PPME1: variants seen among roughly 807,000 people sequenced by gnomAD.
PPME1 encodes protein phosphatase methylesterase 1.
Under a neutral mutation model 56.9 loss-of-function variants are expected in PPME1, and 17 were observed. That is an observed-to-expected ratio of 0.30 (90% confidence interval 0.20 to 0.45). The LOEUF is 0.45. Among genes scored for constraint, PPME1 ranks in the 20% least tolerant of loss-of-function variants. The pLI, the probability that PPME1 is intolerant of heterozygous loss-of-function variation, is 1.00. For missense variants in PPME1, 357 were observed against 483.2 expected, an observed-to-expected ratio of 0.74 and a Z score of 2.45; for synonymous variants, 122 against 156.2, an observed-to-expected ratio of 0.78 and a Z score of 1.63.
chr11:74,246,355 A>C (rs1859502678), intron 10 of PPME1, 150 bp downstream of exon 10: 3 of 862,600 alleles, frequency 3.5e-6, no homozygotes, highest in Non-Finnish European at 5.0e-6. Context: ...GGTTGTGGTG[A>C]GGGCTGTCTT....
chr11:74,222,287 T>A (rs1227275946), intron 3 of PPME1, 25 bp from the exon 4 acceptor site: 6 of 1,574,060 alleles, frequency 3.8e-6, no homozygotes, highest in Non-Finnish European at 5.2e-6. Flanking sequence ...AGATGTGTCT[T>A]AACTACTTTT....
chr11:74,234,819 A>C (rs1030516992), intron 7 of PPME1, among the ~76,000 whole-genome samples: 1 of 152,192 alleles, frequency 6.6e-6, no homozygotes, highest in African/African-American at 2.4e-5. Context: ...TGGATAATGG[A>C]GTATGCTTGT....
intron 5 of PPME1, 138 bp downstream of exon 5, chr11:74,225,394 C>G (rs1022513187): frequency 5.1e-6 from 3 of 588,536 alleles, no homozygotes; most frequent in African/African-American, 3.8e-5. Flanking sequence ...TCTCTCTCCT[C>G]TACTTCTGGT....
At chr11:74,231,059 C>A in intron 7 of PPME1, 57 bp downstream of exon 7, 1 of 1,415,372 alleles carries the variant, frequency 7.1e-7, no homozygotes, top group Non-Finnish European at 9.8e-7. Context: ...TGTTTGCTTG[C>A]TTATTTATTT....
intron 3 of PPME1, among the ~76,000 whole-genome samples, chr11:74,214,528 A>G (rs1351363768): frequency 1.3e-5 from 2 of 151,842 alleles, no homozygotes; most frequent in Non-Finnish European, 2.9e-5. Context: ...GGCATTTAAT[A>G]ATCAAACTCC....
intron 10 of PPME1, 122 bp downstream of exon 10, chr11:74,246,327 AG>A: frequency 9.1e-7 from 1 of 1,096,416 alleles, no homozygotes; most frequent in East Asian, 3.0e-5. Context: ...GTCTGAGATC[AG>A]GGTGCCAGCA....
chr11:74,225,134 TAA>T, intron 4 of PPME1, 69 bp from the exon 5 acceptor site: 1 of 1,080,180 alleles, frequency 9.3e-7, no homozygotes, highest in Non-Finnish European at 1.3e-6. Flanking sequence ...ATGATATTTT[TAA>T]AAGAGAATAC....
intron 1 of PPME1, among the ~76,000 whole-genome samples, chr11:74,171,949 A>T (rs778663606): frequency 6.6e-6 from 1 of 152,134 alleles, no homozygotes; most frequent in Non-Finnish European, 1.5e-5. Flanking sequence ...GGAGGAGTAG[A>T]TATTATCAGA....
intron 1 of PPME1, among the ~76,000 whole-genome samples, chr11:74,186,485 C>T (rs977391787): frequency 1.3e-5 from 2 of 152,086 alleles, no homozygotes; most frequent in East Asian, 3.9e-4. Context: ...TCAGCTACTT[C>T]CCATGGTCTT....
At chr11:74,245,412 AAT>A (rs2135677206) in intron 9 of PPME1, among the ~76,000 whole-genome samples, 1 of 152,244 alleles carries the variant, frequency 6.6e-6, no homozygotes, top group East Asian at 1.9e-4. Context: ...GGTACAGAAA[AAT>A]ATAGAGAATT....
At position 74,203,780 on chromosome 11, in the gene PPME1, T is replaced by G. The variant is rs1591034002; in HGVS notation, c.154T>G (p.Ser52Ala). 1.9e-6 allele frequency: 3 copies of G among 1,612,418 alleles called. No homozygotes were observed. Among genetic ancestry groups the G allele is most frequent in the Non-Finnish European group, 2.5e-6 (3 of 1,179,140 alleles). The change falls in exon 2 of 14, where the codon TCC becomes GCC. Residue 52 changes from serine (S) to alanine (A), a missense_variant. By Grantham distance (99) the Ser-to-Ala change is moderately conservative (BLOSUM62 1). Around this residue, in one of 2 missense-constraint regions of PPME1, gnomAD observed 175 missense variants for 189.4 expected, o/e 0.92. Transcript: ENST00000328257. ...SPVPWSQYFESMEDVEVENET... is the reference protein window; with the variant it reads ...SPVPWSQYFEAMEDVEVENET... Reference sequence around the variant, plus strand: ...TGTTCCTTGGAGTCAGTATTTTGAGTCCATGGAAGATGTAGAAGTAGAGAA... The same window carrying G: ...TGTTCCTTGGAGTCAGTATTTTGAGGCCATGGAAGATGTAGAAGTAGAGAA...
rs183862890 is a variant in PPME1, at chr11:74,231,753, G to C, written c.644+751G>C. Among the ~76,000 whole-genome samples the C allele has an allele frequency of 2.6e-5, 4 of 152,260 alleles. No homozygotes were observed. The South Asian group carries it at 6.2e-4, about 24-fold the overall frequency. On this transcript the variant is annotated intron_variant, in intron 7 of 13. Coordinates refer to ENST00000328257, the MANE Select transcript of PPME1 (RefSeq NM_016147.3). ...TTTTAGATTTACTTTCTGTGTTTCA[G>C]ATAAAATGGTGGAGAAATGGAAGAT...
rs767380330 is a variant in PPME1, at chr11:74,171,400, A to G, written c.-22A>G. ...ACGAAGCTTCGCCTACTGTTTGACT[A>G]CGTGCGTGCAGCCTCCCCTCGATGT... On this transcript the variant is annotated 5_prime_UTR_variant, in exon 1 of 14. Transcript: ENST00000328257. 1.6e-5 allele frequency: 25 copies of G among 1,600,962 alleles called. No individual in the cohort carries two copies. The highest frequency in any genetic ancestry group is 1.8e-5 in the Non-Finnish European group (21 of 1,174,026).
chr11:74,181,137 C>T (rs1052090809), intron 1 of PPME1, among the ~76,000 whole-genome samples: 7 of 151,364 alleles, frequency 4.6e-5, no homozygotes, highest in African/African-American at 1.5e-4. Flanking sequence ...CTCCGCTTCC[C>T]GGGTTCACGC....
rs1859663554 is a variant in PPME1 at position 74,251,568 on chromosome 11, C to T, written c.1075-80C>T. Reference sequence around the variant, plus strand: ...GGATGAGGGCACCGTAGAGCCTAACCATCTAACAGTAGCTCACAGCCCAAG... The same window carrying T: ...GGATGAGGGCACCGTAGAGCCTAACTATCTAACAGTAGCTCACAGCCCAAG... On this transcript the variant is annotated intron_variant, in intron 12 of 13. Transcript: ENST00000328257. The T allele has an allele frequency of 2.5e-6, 4 of 1,572,382 alleles. No homozygotes were observed. The East Asian group carries it at 6.7e-5, about 26-fold the overall frequency.
In PPME1 at chr11:74,235,746, G is replaced by A. The variant is rs1859174405; in HGVS notation, c.645-155G>A. The A allele has an allele frequency of 3.4e-6, 4 of 1,186,498 alleles. No homozygotes were observed. The East Asian group carries it at 1.1e-4, about 32-fold the overall frequency. 73.5% of individuals were successfully genotyped at this position (1,186,498 alleles called of 1,614,324 possible). A position where few individuals can be genotyped will look rare whatever the true frequency, so the allele number is the denominator to read the frequency against. On this transcript the variant is annotated intron_variant, in intron 7 of 13. Transcript: ENST00000328257. ...TTTTACTTATAAAACCATGTAGCCA[G>A]GTGAGTAATAGTGGCAATCTCTATA... is the stretch of plus-strand genomic sequence containing the variant.
Position 74,222,332 on chromosome 11 carries a change from T to A in PPME1, c.309T>A (p.Val103=), listed in dbSNP as rs777303871. ...AVFTAAIISR[V]QCRIVALDLR... is the part of the protein sequence containing the mutation. The stretch of plus-strand genomic sequence containing the variant: ...CCTAGGCAGCGATTATTAGTAGAGT[T>A]CAGTGTAGGATTGTAGCTTTGGATC... Residue 103 remains valine, a synonymous_variant, in exon 4 of 14, where the codon GTT becomes GTA. Coordinates refer to ENST00000328257, the MANE Select transcript of PPME1 (RefSeq NM_016147.3). 6.2e-7 allele frequency: 1 copy of A among 1,611,924 alleles called. No individual in the cohort carries two copies. The highest frequency in any genetic ancestry group is 1.7e-5 in the Admixed American group (1 of 59,964).
chr11:74,201,462 A>T (rs1247350165), intron 1 of PPME1, among the ~76,000 whole-genome samples: 1 of 152,198 alleles, frequency 6.6e-6, no homozygotes, highest in African/African-American at 2.4e-5. Context: ...AATAATGTGC[A>T]CTTAAGCCTT....
chr11:74,191,892 GA>G (rs1376316481), intron 1 of PPME1, among the ~76,000 whole-genome samples: 1 of 152,252 alleles, frequency 6.6e-6, no homozygotes, highest in Non-Finnish European at 1.5e-5. Context: ...AGCCCCTGCA[GA>G]GAAACTTTGC....
Sources: allele counts gnomAD v4.1 joint callset (sites outside exome capture counted in the v4.1 genomes callset), GRCh38; gene constraint gnomAD v4.1.1; regional missense constraint gnomAD v4.1.1; transcripts MANE v1.5; gene names NCBI Gene and HGNC (gene_info 2026-07-23, HGNC 2026-07-21).